Variants in SNRNP40 observed in about 807,000 individuals in gnomAD.
SNRNP40 encodes the protein U5 small nuclear ribonucleoprotein 40 kDa protein.
SNRNP40 carries 21 observed loss-of-function variants against 45.8 expected under a neutral mutation model. That is an observed-to-expected ratio of 0.46 (90% CI 0.32 to 0.66). SNRNP40 has a LOEUF of 0.66. Ranked by LOEUF, SNRNP40 falls within the 30% of genes least tolerant of loss-of-function variation. The pLI is 0.03. For synonymous variants in SNRNP40, 142 were observed against 163.8 expected (o/e 0.87, Z 1.01); for missense variants, 344 against 439.1 (o/e 0.78, Z 1.94).
At position 31,259,677 on chromosome 1, in the gene SNRNP40, G is replaced by C. The variant is rs540615129; in HGVS notation, c.*395C>G. ...AATAAATCCAATCCACATGGCTCTT[G>C]TAAAAAGGCATCTATTTGGCTTTTA... On this transcript the variant is annotated 3_prime_UTR_variant, in exon 10 of 10. Transcript: ENST00000263694. 7.1e-6 allele frequency: 3 copies of C among 421,752 alleles called. No individual in the cohort carries two copies. Among genetic ancestry groups the C allele is most frequent in the African/African-American group, 2.1e-5 (1 of 47,066 alleles). 26.1% of individuals were successfully genotyped at this position (421,752 alleles called of 1,614,324 possible). A position where few individuals can be genotyped will look rare whatever the true frequency, so the allele number is the denominator to read the frequency against.
intron 9 of SNRNP40, chr1:31,261,215 G>A (rs1191014297): frequency 2.7e-6 from 1 of 375,370 alleles, no homozygotes; most frequent in East Asian, 6.8e-5. Flanking sequence ...GCTGGGCATG[G>A]TGGTGGGTGC....
At chr1:31,271,620 A>AT in intron 5 of SNRNP40, 121 bp from the exon 6 acceptor site, 1 of 960,684 alleles carries the variant, frequency 1.0e-6, no homozygotes, top group South Asian at 1.8e-5. Context: ...AAAACACAGG[A>AT]TTTCTGTCAA....
In SNRNP40 at chr1:31,259,781, A is replaced by G. The variant is rs1227118556; in HGVS notation, c.*291T>C. On this transcript the variant is annotated 3_prime_UTR_variant, in exon 10 of 10. Transcript: ENST00000263694. Reference sequence around the variant, plus strand: ...AAAAAAAAAAAAAAAATCCCAACCAACAAATTTGTCACATTGGGCCTGCAT... The same window carrying G: ...AAAAAAAAAAAAAAAATCCCAACCAGCAAATTTGTCACATTGGGCCTGCAT... The G allele has an allele frequency of 3.6e-6, 2 of 562,884 alleles. No individual in the cohort carries two copies. Among genetic ancestry groups the G allele is most frequent in the African/African-American group, 1.9e-5 (1 of 52,222 alleles). 34.9% of individuals were successfully genotyped at this position (562,884 alleles called of 1,614,324 possible).
At chr1:31,296,457 T>C (rs769419736) in intron 1 of SNRNP40, among the ~76,000 whole-genome samples, 154 bp downstream of exon 1, 9 of 152,262 alleles carry the variant, frequency 5.9e-5, no homozygotes, top group African/African-American at 9.6e-5. Context: ...TCGCAGGCTA[T>C]GGGGAGCTTT....
chr1:31,276,536 A>C (rs192978301), intron 5 of SNRNP40, among the ~76,000 whole-genome samples: 1 of 152,098 alleles, frequency 6.6e-6, no homozygotes, highest in Admixed American at 6.6e-5. Context: ...ACAGCAATGC[A>C]TCAAAGGTGG....
chr1:31,293,257 C>T lies in SNRNP40; in HGVS notation c.233G>A (p.Gly78Glu), dbSNP rs1337294340. The T allele has an allele frequency of 6.2e-7, 1 of 1,614,088 alleles. No homozygotes were observed. ...AAATCCTGCAGATGCTAAGGTGGAT[C>T]CGTTGGGGTGGAACTTGCAGCAGTA... is the stretch of plus-strand genomic sequence containing the variant. ...EVYCCKFHPN[G>E]STLASAGFDR... Residue 78 changes from glycine to glutamate, a missense_variant, in exon 2 of 10, where the codon GGA (glycine) becomes GAA (glutamate). Physicochemically the swap from Gly to Glu is moderately conservative, Grantham distance 98 (BLOSUM62 -2). Coordinates refer to ENST00000263694, the MANE Select transcript of SNRNP40 (RefSeq NM_004814.3).
chr1:31,277,670 T>C lies in SNRNP40; in HGVS notation c.654+3704A>G, dbSNP rs192054719. Among the ~76,000 whole-genome samples the C allele has an allele frequency of 2.8e-4, 42 of 152,306 alleles. 2 individuals carry two copies. Among genetic ancestry groups the C allele is most frequent in the East Asian group, 7.7e-4 (4 of 5,190 alleles). The stretch of plus-strand genomic sequence containing the variant: ...AGCATTGGCAGAAAAATTTGAATGT[T>C]TGTGGACGGATTAAACGCTTTTTAG... On this transcript the variant is annotated intron_variant, in intron 5 of 9. Coordinates refer to ENST00000263694, the MANE Select transcript of SNRNP40 (RefSeq NM_004814.3).
intron 7 of SNRNP40, among the ~76,000 whole-genome samples, chr1:31,268,418 G>C (rs542476779): frequency 8.8e-4 from 134 of 151,850 alleles, no homozygotes; most frequent in African/African-American, 3.1e-3. Flanking sequence ...AAGCAGCTGA[G>C]ACTGCAGGCA....
chr1:31,259,755 C>CAAA lies in SNRNP40; in HGVS notation c.*314_*316dup. On this transcript the variant is annotated 3_prime_UTR_variant, in exon 10 of 10. Transcript: ENST00000263694. ...AAGAAAATATCATACAAGCCAGTTA[C>CAAA]AAAAAAAAAAAAAAAATCCCAACCA... The CAAA allele has an allele frequency of 6.8e-6, 3 of 441,598 alleles. No individual in the cohort carries two copies. The highest frequency in any genetic ancestry group is 3.2e-5 in the Admixed American group (1 of 31,076). The allele number at this position is 441,598 out of a possible 1,614,324, so 27.4% of individuals were successfully genotyped here.
chr1:31,273,640 CA>C (rs35647868), intron 5 of SNRNP40, among the ~76,000 whole-genome samples: 6 of 149,018 alleles, frequency 4.0e-5, no homozygotes, highest in Admixed American at 6.7e-5. Flanking sequence ...AACTCTGTCT[CA>C]AAAAAAAAAA....
At chr1:31,264,894 G>GTTTA in intron 8 of SNRNP40, among the ~76,000 whole-genome samples, 1 of 152,230 alleles carries the variant, frequency 6.6e-6, no homozygotes, top group Non-Finnish European at 1.5e-5. Flanking sequence ...ATCTCCAAGG[G>GTTTA]TTTACACTTC....
intron 1 of SNRNP40, among the ~76,000 whole-genome samples, chr1:31,293,858 A>G (rs1646123319): frequency 1.3e-5 from 2 of 152,102 alleles, no homozygotes; most frequent in African/African-American, 4.8e-5. Context: ...GGAATGAGCC[A>G]CCACATTTGG....
In SNRNP40 at chr1:31,279,851, G is replaced by A. The variant is rs186146488; in HGVS notation, c.654+1523C>T. On this transcript the variant is annotated intron_variant, in intron 5 of 9. Coordinates refer to ENST00000263694, the MANE Select transcript of SNRNP40 (RefSeq NM_004814.3). ...AGGCCGGGCACGGTGGCTCACACCC[G>A]TAATCCCAGCACTTTGGGAGGCCGA... Among the ~76,000 whole-genome samples the A allele has an allele frequency of 3.0e-3, 459 of 151,526 alleles. 8 individuals are homozygous for A. The highest frequency in any genetic ancestry group is 1.7e-3 in the Non-Finnish European group (117 of 67,858).
Position 31,259,796 on chromosome 1 carries a change from T to C in SNRNP40, c.*276A>G, listed in dbSNP as rs767880716. On this transcript the variant is annotated 3_prime_UTR_variant, in exon 10 of 10. Coordinates refer to ENST00000263694, the MANE Select transcript of SNRNP40 (RefSeq NM_004814.3). ...ATCCCAACCAACAAATTTGTCACAT[T>C]GGGCCTGCATTAGAAAACAGGAAAA... is the stretch of plus-strand genomic sequence containing the variant. 1 of 595,726 alleles carries C rather than the reference T, an allele frequency of 1.7e-6. No homozygotes were observed. The highest frequency in any genetic ancestry group is 1.7e-5 in the South Asian group (1 of 60,312). The allele number at this position is 595,726 out of a possible 1,614,324, so 36.9% of individuals were successfully genotyped here. A position where few individuals can be genotyped will look rare whatever the true frequency, so the allele number is the denominator to read the frequency against.
intron 8 of SNRNP40, among the ~76,000 whole-genome samples, chr1:31,266,787 T>C (rs1019454303): frequency 2.0e-5 from 3 of 152,170 alleles, no homozygotes; most frequent in African/African-American, 2.4e-5. Context: ...CAGGGTAAAA[T>C]TGGACTGCCA....
At chr1:31,286,400 A>C (rs1026539682) in intron 4 of SNRNP40, among the ~76,000 whole-genome samples, 1 of 151,810 alleles carries the variant, frequency 6.6e-6, no homozygotes, top group Non-Finnish European at 1.5e-5. Flanking sequence ...ACCCTTCCCT[A>C]CTTGAATTGT....
chr1:31,262,467 G>A lies in SNRNP40; in HGVS notation c.921-835C>T, dbSNP rs193160346. On this transcript the variant is annotated intron_variant, in intron 8 of 9. Coordinates refer to ENST00000263694, the MANE Select transcript of SNRNP40 (RefSeq NM_004814.3). The stretch of plus-strand genomic sequence containing the variant: ...ACCTGGGAGGTGGAGGTTGCAGTGA[G>A]CTGAGACCGTGGCACTGCCCTCTAG... Among the ~76,000 whole-genome samples the A allele has an allele frequency of 2.3e-4, 34 of 145,292 alleles. 1 individual carries two copies. The East Asian group carries it at 6.6e-3, about 28-fold the overall frequency.
chr1:31,290,793 G>T (rs536525151), intron 3 of SNRNP40, among the ~76,000 whole-genome samples: 1 of 151,684 alleles, frequency 6.6e-6, no homozygotes, highest in Non-Finnish European at 1.5e-5. Context: ...CAGGAGAATG[G>T]TGTGAACCCC....
intron 9 of SNRNP40, chr1:31,261,304 T>C (rs1477347695): frequency 2.3e-5 from 12 of 525,654 alleles, no homozygotes; most frequent in South Asian, 4.2e-5. Context: ...TGAGCCAAGA[T>C]TGCACCATTG....
Sources: allele counts gnomAD v4.1 joint callset (sites outside exome capture counted in the v4.1 genomes callset), GRCh38; gene constraint gnomAD v4.1.1; transcripts MANE v1.5; gene names NCBI Gene and HGNC (gene_info 2026-07-23, HGNC 2026-07-21).